Variants in ADGRL2 observed in about 807,000 individuals in gnomAD.
The protein encoded by ADGRL2 is adhesion G protein-coupled receptor L2, also known as calcium-independent alpha-latrotoxin receptor 2.
In ADGRL2, 44 loss-of-function variants were observed where a neutral mutation model predicts 157.4. That is an observed-to-expected ratio of 0.28 (90% CI 0.22 to 0.36). ADGRL2 has a LOEUF of 0.36. Ranked by LOEUF, ADGRL2 falls within the 10% of genes least tolerant of loss-of-function variation. The pLI is 1.00. For synonymous variants in ADGRL2, 585 were observed against 624.7 expected (o/e 0.94, Z 0.95); for missense variants, 1,510 against 1,768.9 (o/e 0.85, Z 2.63).
intron 3 of ADGRL2, among the ~76,000 whole-genome samples, chr1:81,922,254 CT>C (rs1394036186): frequency 6.6e-6 from 1 of 152,092 alleles, no homozygotes; most frequent in Non-Finnish European, 1.5e-5. Flanking sequence ...AGGTATTCAG[CT>C]TCTGTCCCCT....
chr1:81,602,417 A>AC (rs1021155490), intron 3 of ADGRL2, among the ~76,000 whole-genome samples: 3 of 152,000 alleles, frequency 2.0e-5, no homozygotes, highest in Admixed American at 2.0e-4. Context: ...AGATGGTGAA[A>AC]CCCCGTCTCC....
chr1:81,462,612 T>C (rs1194408527), intron 2 of ADGRL2, among the ~76,000 whole-genome samples: 1 of 152,184 alleles, frequency 6.6e-6, no homozygotes, highest in Non-Finnish European at 1.5e-5. Context: ...GTGGTCCGAT[T>C]TTTACTCAGT....
rs542903059 is a variant in ADGRL2 at position 81,397,721 on chromosome 1, G to A, written c.-301-47315G>A. On this transcript the variant is annotated intron_variant, in intron 1 of 24. Transcript: ENST00000370721. ...TTCTTTTAAATTTGTTGAGACATTT[G>A]CAGCCTAACATGTGGTCTATGCTGA... Among the ~76,000 whole-genome samples the A allele has an allele frequency of 8.0e-4, 122 of 152,178 alleles. 1 individual carries two copies. The highest frequency in any genetic ancestry group is 1.5e-3 in the Non-Finnish European group (105 of 68,004).
rs2150197882 is a variant in ADGRL2, at chr1:81,837,074, A to G, written c.73+17A>G. Reference sequence around the variant, plus strand: ...ATACAGAAGGTAAGATCCAGTTTACATTTTGTTTTTTAAATCCAGGAGAAC... The same window carrying G: ...ATACAGAAGGTAAGATCCAGTTTACGTTTTGTTTTTTAAATCCAGGAGAAC... On this transcript the variant is annotated intron_variant, in intron 2 of 23. Transcript: ENST00000686636. 1 of 1,523,428 alleles carries G rather than the reference A, an allele frequency of 6.6e-7. No individual in the cohort carries two copies. Among genetic ancestry groups the G allele is most frequent in the East Asian group, 2.4e-5 (1 of 41,768 alleles). The allele number at this position is 1,523,428 out of a possible 1,614,324, so 94.4% of individuals were successfully genotyped here.
chr1:81,954,288 G>A (rs1652773825), intron 10 of ADGRL2, among the ~76,000 whole-genome samples: 1 of 151,748 alleles, frequency 6.6e-6, no homozygotes, highest in Non-Finnish European at 1.5e-5. Context: ...GATCCCACTA[G>A]ACGAGTACAA....
At chr1:81,473,232 A>G (rs78404668) in intron 2 of ADGRL2, among the ~76,000 whole-genome samples, 7,370 of 152,258 alleles carry the variant, frequency 0.048, 232 homozygotes, top group Admixed American at 0.087. Flanking sequence ...ATTGTCTCAC[A>G]GTTTTGGCAG....
intron 2 of ADGRL2, among the ~76,000 whole-genome samples, chr1:81,552,378 G>C (rs1231188119): frequency 6.6e-6 from 1 of 152,028 alleles, no homozygotes; most frequent in Non-Finnish European, 1.5e-5. Context: ...AGTTAGACCT[G>C]GATGACCTCT....
At chr1:81,869,734 AT>A (rs1283278597) in intron 2 of ADGRL2, among the ~76,000 whole-genome samples, 3 of 152,088 alleles carry the variant, frequency 2.0e-5, no homozygotes, top group South Asian at 2.1e-4. Flanking sequence ...GTGACTCAGA[AT>A]TGAGTAATAT....
chr1:81,842,830 A>G (rs942214425), intron 2 of ADGRL2, among the ~76,000 whole-genome samples: 13 of 152,170 alleles, frequency 8.5e-5, no homozygotes, highest in Non-Finnish European at 1.6e-4. Context: ...CTTGTTGAGA[A>G]TAACTACATG....
intron 2 of ADGRL2, among the ~76,000 whole-genome samples, chr1:81,577,787 A>G (rs192180159): frequency 1.3e-5 from 2 of 152,344 alleles, no homozygotes; most frequent in Admixed American, 6.5e-5. Context: ...AATTATTTAA[A>G]TATTCAATCT....
At position 81,319,487 on chromosome 1, in the gene ADGRL2, C is replaced by T. The variant is rs1227249925; in HGVS notation, c.-302+12978C>T. On this transcript the variant is annotated intron_variant, in intron 1 of 24. Transcript: ENST00000370721. ...ATTTCTCATCAAACTAAGAGAATTC[C>T]CTACCTTTCTCTCCCAGTGATCCCA... is the stretch of plus-strand genomic sequence containing the variant. Among the ~76,000 whole-genome samples, 4 of 151,930 alleles carry T rather than the reference C, an allele frequency of 2.6e-5. No individual in the cohort carries two copies. The East Asian group carries it at 5.8e-4, about 22-fold the overall frequency.
intron 2 of ADGRL2, among the ~76,000 whole-genome samples, chr1:81,499,925 A>G (rs987116970): frequency 6.6e-6 from 1 of 151,270 alleles, no homozygotes; most frequent in Non-Finnish European, 1.5e-5. Flanking sequence ...CTCCATTTAT[A>G]AATATATATA....
At chr1:81,430,409 C>T (rs1295717781) in intron 1 of ADGRL2, among the ~76,000 whole-genome samples, 1 of 152,168 alleles carries the variant, frequency 6.6e-6, no homozygotes, top group African/African-American at 2.4e-5. Context: ...GAGTGGAGAG[C>T]TCTGTCAATG....
intron 2 of ADGRL2, among the ~76,000 whole-genome samples, chr1:81,572,721 C>T (rs2080720553): frequency 1.3e-5 from 2 of 152,100 alleles, no homozygotes; most frequent in East Asian, 3.9e-4. Context: ...AAAAAAGTTT[C>T]CTGGCCAAAT....
Position 81,932,673 on chromosome 1 carries a change from G to A in ADGRL2, c.288-4055G>A, listed in dbSNP as rs111852475. ...GTTTCTGAACCTGCCAATTTTTGGTGCAGCTTAATAATTTGTATTTCTTTT... is the reference window on the plus strand; with the variant it reads ...GTTTCTGAACCTGCCAATTTTTGGTACAGCTTAATAATTTGTATTTCTTTT... On this transcript the variant is annotated intron_variant, in intron 3 of 23. Coordinates refer to ENST00000686636, the MANE Select transcript of ADGRL2 (RefSeq NM_001366006.2). Among the ~76,000 whole-genome samples the A allele has an allele frequency of 3.9e-5, 6 of 152,102 alleles. 1 individual carries two copies. The highest frequency in any genetic ancestry group is 1.4e-4 in the African/African-American group (6 of 41,518).
intron 2 of ADGRL2, among the ~76,000 whole-genome samples, chr1:81,477,021 C>G (rs1005870400): frequency 3.3e-5 from 5 of 152,188 alleles, no homozygotes; most frequent in Non-Finnish European, 5.9e-5. Context: ...CTCATTTCAA[C>G]TTGCCCAAAT....
chr1:81,789,413 C>G (rs2087219568), intron 2 of ADGRL2, among the ~76,000 whole-genome samples: 1 of 152,022 alleles, frequency 6.6e-6, no homozygotes, highest in Non-Finnish European at 1.5e-5. Flanking sequence ...TGTACTAATA[C>G]ATTTTGAAAA....
intron 2 of ADGRL2, chr1:81,503,277 T>A: frequency 6.2e-7 from 1 of 1,614,214 alleles, no homozygotes; most frequent in Non-Finnish European, 8.5e-7. Flanking sequence ...TTAACATGTC[T>A]GTGGACATCG....
At chr1:81,606,595 C>G (rs987614846) in intron 3 of ADGRL2, among the ~76,000 whole-genome samples, 1 of 152,044 alleles carries the variant, frequency 6.6e-6, no homozygotes, top group South Asian at 2.1e-4. Flanking sequence ...TACCAGATAC[C>G]GAAGAATTTG....
Sources: allele counts gnomAD v4.1 joint callset (sites outside exome capture counted in the v4.1 genomes callset), GRCh38; gene constraint gnomAD v4.1.1; transcripts MANE v1.5; gene names NCBI Gene and HGNC (gene_info 2026-07-23, HGNC 2026-07-21).